The following DNAH10 variants were observed in gnomAD, a reference collection of about 807,000 sequenced individuals.
The protein encoded by DNAH10 is dynein axonemal heavy chain 10, also known as axonemal beta dynein heavy chain 10.
Under a neutral mutation model 506.6 loss-of-function variants are expected in DNAH10, and 348 were observed. That is an observed-to-expected ratio of 0.69 (90% CI 0.63 to 0.75). The LOEUF is 0.75. Among genes scored for constraint, DNAH10 ranks in the 30% least tolerant of loss-of-function variants. The probability of loss-of-function intolerance (pLI) is 0.00; values close to 1 mark genes in which losing one functional copy is unlikely to be tolerated. For synonymous variants in DNAH10, 2,059 were observed against 2,198.6 expected, an observed-to-expected ratio of 0.94 and a Z score of 1.78; for missense variants, 5,179 against 5,787.1, an observed-to-expected ratio of 0.89 and a Z score of 3.41.
chr12:123,856,080 CTT>C (rs939477940), intron 36 of DNAH10, among the ~76,000 whole-genome samples: 1 of 146,482 alleles, frequency 6.8e-6, no homozygotes, highest in Non-Finnish European at 1.5e-5. Flanking sequence ...CACATAATAT[CTT>C]ATACATATTT....
chr12:123,789,872 A>C, intron 10 of DNAH10, 55 bp from the exon 11 acceptor site: 2 of 1,508,250 alleles, frequency 1.3e-6, no homozygotes, highest in Non-Finnish European at 1.8e-6. Context: ...TGTAGTTCTA[A>C]TATTCACAGG....
At chr12:123,820,862 C>G in intron 24 of DNAH10, 104 bp downstream of exon 24, 1 of 1,338,766 alleles carries the variant, frequency 7.5e-7, no homozygotes, top group Non-Finnish European at 1.0e-6. Flanking sequence ...GAGCTTGGGT[C>G]TGACGTTGTG....
At chr12:123,870,512 T>C (rs758221669) in intron 44 of DNAH10, 27 bp downstream of exon 44, 2 of 1,607,898 alleles carry the variant, frequency 1.2e-6, no homozygotes, top group East Asian at 4.5e-5. Flanking sequence ...TCCTTGTTCC[T>C]GGGTTTAGGA....
chr12:123,890,534 C>T (rs1156668462), intron 52 of DNAH10, among the ~76,000 whole-genome samples: 1 of 151,970 alleles, frequency 6.6e-6, no homozygotes, highest in African/African-American at 2.4e-5. Flanking sequence ...GTTTTTCCTG[C>T]CTCACCTTCC....
In DNAH10 at chr12:123,772,867, C is replaced by T. The variant is rs754870509; in HGVS notation, c.430C>T (p.Leu144Phe). Residue 144 changes from leucine to phenylalanine, a missense_variant, in exon 4 of 79, where the codon CTC becomes TTC. Physicochemically the swap from Leu to Phe is conservative, Grantham distance 22. Around this residue, in one of 3 missense-constraint regions of DNAH10, gnomAD observed 326 missense variants for 330.8 expected, o/e 0.99. Coordinates refer to ENST00000673944, the MANE Select transcript of DNAH10 (RefSeq NM_001372106.1). ...TAKHIMEKMH[L>F]HMLCTPLPEE... ...GAAGCACATCATGGAAAAGATGCAT[C>T]TCCACATGCTCTGTACCCCTCTTCC... 1 of 1,608,632 alleles carries T rather than the reference C, an allele frequency of 6.2e-7. No individual in the cohort carries two copies. The highest frequency in any genetic ancestry group is 1.7e-5 in the Admixed American group (1 of 58,444).
chr12:123,804,503 G>A (rs1421386817), intron 17 of DNAH10, among the ~76,000 whole-genome samples: 1 of 151,394 alleles, frequency 6.6e-6, no homozygotes, highest in Admixed American at 6.6e-5. Context: ...ACTCCAGCCT[G>A]GGTGACAGAG....
At chr12:123,825,124 G>T (rs113378010) in intron 24 of DNAH10, among the ~76,000 whole-genome samples, 1 of 152,152 alleles carries the variant, frequency 6.6e-6, no homozygotes, top group South Asian at 2.1e-4. Context: ...TTTCCAGGAG[G>T]TAGGACTGGC....
chr12:123,880,688 A>G (rs1386943895), intron 50 of DNAH10, among the ~76,000 whole-genome samples: 2 of 151,032 alleles, frequency 1.3e-5, no homozygotes, highest in African/African-American at 4.9e-5. Context: ...TCTAGGGTAC[A>G]TGTGCACAAC....
At chr12:123,814,209 AATG>A in intron 21 of DNAH10, 1 of 216,658 alleles carries the variant, frequency 4.6e-6, no homozygotes, top group Non-Finnish European at 8.9e-6. Flanking sequence ...CTCTTGCAAA[AATG>A]ATAAGAAGAG....
At chr12:123,869,672 C>T in intron 43 of DNAH10, among the ~76,000 whole-genome samples, 1 of 152,190 alleles carries the variant, frequency 6.6e-6, no homozygotes, top group Non-Finnish European at 1.5e-5. Context: ...GAAGAGGCCA[C>T]CCCCACTGCA....
chr12:123,894,556 C>A, intron 53 of DNAH10, 87 bp from the exon 54 acceptor site: 2 of 1,256,896 alleles, frequency 1.6e-6, no homozygotes, highest in Non-Finnish European at 2.3e-6. Flanking sequence ...CCACACCCGG[C>A]CCTGATTTTT....
In DNAH10 at chr12:123,785,228, C is replaced by T. The variant is rs1021029434; in HGVS notation, c.1231-518C>T. On this transcript the variant is annotated intron_variant, in intron 8 of 78. Coordinates refer to ENST00000673944, the MANE Select transcript of DNAH10 (RefSeq NM_001372106.1). This position sits in a 1 kb window ranked among gnomAD's most constrained non-coding sequence, Gnocchi z 4.1. ...CAATACACGAAGGTTCTGGTTTTTCCGTATCTTCACCACCACTTGTTATCG... is the reference window on the plus strand; with the variant it reads ...CAATACACGAAGGTTCTGGTTTTTCTGTATCTTCACCACCACTTGTTATCG... 3.3e-5 allele frequency among the ~76,000 whole-genome samples: 5 copies of T among 152,222 alleles called. No homozygotes were observed. The highest frequency in any genetic ancestry group is 9.6e-5 in the African/African-American group (4 of 41,548).
At chr12:123,799,772 C>T (rs1436427158) in intron 14 of DNAH10, among the ~76,000 whole-genome samples, 2 of 152,168 alleles carry the variant, frequency 1.3e-5, no homozygotes, top group African/African-American at 2.4e-5. Flanking sequence ...CTCTGGGCCC[C>T]GCACTTGGTG....
rs1341840868 is a variant in DNAH10, at chr12:123,846,987, G to A, written c.5814+833G>A. Reference sequence around the variant, plus strand: ...TAAAGTCCTTTGTTTTTGAGAAAAAGAGTGTCATCTTATCTGTATTGGTTA... The same window carrying A: ...TAAAGTCCTTTGTTTTTGAGAAAAAAAGTGTCATCTTATCTGTATTGGTTA... On this transcript the variant is annotated intron_variant, in intron 32 of 78. Coordinates refer to ENST00000673944, the MANE Select transcript of DNAH10 (RefSeq NM_001372106.1). This position sits in a 1 kb window ranked among gnomAD's most constrained non-coding sequence, Gnocchi z 4.5. 6.6e-6 allele frequency among the ~76,000 whole-genome samples: 1 copy of A among 152,176 alleles called. No homozygotes were observed. Among genetic ancestry groups the A allele is most frequent in the Non-Finnish European group, 1.5e-5 (1 of 68,032 alleles).
chr12:123,789,447 G>T (rs1029461717), intron 10 of DNAH10, among the ~76,000 whole-genome samples: 1 of 151,736 alleles, frequency 6.6e-6, no homozygotes, highest in Admixed American at 6.6e-5. Flanking sequence ...GCAGTGGTGC[G>T]ATCTTGGCTA....
intron 13 of DNAH10, 122 bp from the exon 14 acceptor site, chr12:123,799,124 T>C (rs928421339): frequency 9.4e-6 from 5 of 532,844 alleles, no homozygotes; most frequent in Non-Finnish European, 1.2e-5. Context: ...AAAAAAAAAA[T>C]TATATAATGT....
chr12:123,765,257 A>C (rs1344546123), intron 1 of DNAH10, among the ~76,000 whole-genome samples: 1 of 151,834 alleles, frequency 6.6e-6, no homozygotes, highest in East Asian at 1.9e-4. Flanking sequence ...TTCTGGAAAA[A>C]ACAAAACGGA....
chr12:123,859,087 G>T, intron 37 of DNAH10, 63 bp from the exon 38 acceptor site: 4 of 1,421,190 alleles, frequency 2.8e-6, no homozygotes, highest in Non-Finnish European at 3.9e-6. Flanking sequence ...GTGTTGTATC[G>T]CAATAAAACT....
In DNAH10 at chr12:123,762,596, C is replaced by T. The variant is rs758179532; in HGVS notation, c.214+46C>T. On this transcript the variant is annotated intron_variant, in intron 1 of 78. Coordinates refer to ENST00000673944, the MANE Select transcript of DNAH10 (RefSeq NM_001372106.1). The surrounding 1 kb of genome is among the most constrained non-coding windows in gnomAD (Gnocchi z 5.0). ...CCCTTCCCCGGGCTTCCCTCCTGCC[C>T]GTCCCGGCCTCTCCGGCGGGCGCCG... is the stretch of plus-strand genomic sequence containing the variant. 1.6e-4 allele frequency: 241 copies of T among 1,510,320 alleles called. No individual in the cohort carries two copies. The highest frequency in any genetic ancestry group is 4.2e-5 in the African/African-American group (3 of 71,016). 93.6% of individuals were successfully genotyped at this position (1,510,320 alleles called of 1,614,324 possible).
Sources: allele counts gnomAD v4.1 joint callset (sites outside exome capture counted in the v4.1 genomes callset), GRCh38; gene constraint gnomAD v4.1.1; regional missense constraint gnomAD v4.1.1; non-coding constraint Gnocchi (gnomAD v3.1); transcripts MANE v1.5; gene names NCBI Gene and HGNC (gene_info 2026-07-23, HGNC 2026-07-21).